VAPB: variants seen among roughly 807,000 people sequenced by gnomAD.
The protein encoded by VAPB is VAMP associated protein B and C.
In VAPB, 7 loss-of-function variants were observed where a neutral mutation model predicts 25.6. That is an observed-to-expected ratio of 0.27 (90% CI 0.16 to 0.51). The LOEUF is 0.51. Ranked by LOEUF, VAPB falls within the 20% of genes least tolerant of loss-of-function variation. The pLI is 0.97. For synonymous variants in VAPB, 112 were observed against 109.2 expected (o/e 1.03, Z -0.16); for missense variants, 266 against 301.3 (o/e 0.88, Z 0.87).
At chr20:58,434,094 A>T (rs963457534) in intron 2 of VAPB, among the ~76,000 whole-genome samples, 1 of 152,132 alleles carries the variant, frequency 6.6e-6, no homozygotes, top group Admixed American at 6.5e-5. Flanking sequence ...TGATTGTAAA[A>T]ATTTTCTAGC....
chr20:58,441,308 C>G (rs936281383), intron 5 of VAPB, among the ~76,000 whole-genome samples: 7 of 151,628 alleles, frequency 4.6e-5, no homozygotes, highest in Admixed American at 4.6e-4. Context: ...AGAAATTTCT[C>G]AACTGTTGAA....
chr20:58,430,913 C>G (rs1988913673), intron 2 of VAPB: 1 of 152,176 alleles, frequency 6.6e-6, no homozygotes, highest in Non-Finnish European at 1.5e-5. Flanking sequence ...AGAAGACAGG[C>G]TGGATGCTCA....
intron 1 of VAPB, among the ~76,000 whole-genome samples, chr20:58,408,903 A>AGG (rs1568703113): frequency 1.0e-5 from 1 of 95,482 alleles, no homozygotes; most frequent in African/African-American, 4.1e-5. Flanking sequence ...CCCCCCCCCC[A>AGG]CCCCGCCCCC....
chr20:58,423,391 A>T (rs1000351743), intron 2 of VAPB, among the ~76,000 whole-genome samples: 6 of 133,908 alleles, frequency 4.5e-5, no homozygotes, highest in Admixed American at 3.1e-4. Flanking sequence ...CAGCCTGGGC[A>T]ACAAGAGAGA....
At chr20:58,413,956 CT>C (rs1393517745) in intron 1 of VAPB, among the ~76,000 whole-genome samples, 5 of 44,610 alleles carry the variant, frequency 1.1e-4, no homozygotes, top group East Asian at 6.5e-4. Flanking sequence ...GGGGGCTGAC[CT>C]CCCCACCTCC....
At chr20:58,423,621 C>G (rs985519221) in intron 2 of VAPB, among the ~76,000 whole-genome samples, 61 of 152,208 alleles carry the variant, frequency 4.0e-4, no homozygotes, top group African/African-American at 1.4e-3. Flanking sequence ...GTGCACCTTT[C>G]AGGTGCACTA....
intron 1 of VAPB, among the ~76,000 whole-genome samples, chr20:58,412,778 A>G (rs1412060904): frequency 1.3e-5 from 2 of 152,172 alleles, no homozygotes; most frequent in African/African-American, 4.8e-5. Flanking sequence ...TTGTAAAGAT[A>G]GTATTTACAT....
chr20:58,428,929 A>G (rs1415817415), intron 2 of VAPB, among the ~76,000 whole-genome samples: 2 of 152,190 alleles, frequency 1.3e-5, no homozygotes, highest in African/African-American at 4.8e-5. Context: ...GGGTGTCCCA[A>G]GTCCTCACTG....
At position 58,447,524 on chromosome 20, in the gene VAPB, C is replaced by T. The variant is rs1301662064; in HGVS notation, c.*3289C>T. ...AAAACCTAAACGCTTTCAAACAAAT[C>T]CCAGGAACAGAATTGCTATCGAAAG... is the stretch of plus-strand genomic sequence containing the variant. On this transcript the variant is annotated 3_prime_UTR_variant, in exon 6 of 6. Transcript: ENST00000475243. 1 of 453,942 alleles carries T rather than the reference C, an allele frequency of 2.2e-6. No homozygotes were observed. Among genetic ancestry groups the T allele is most frequent in the Non-Finnish European group, 4.4e-6 (1 of 226,784 alleles). The allele number at this position is 453,942 out of a possible 1,614,324, so 28.1% of individuals were successfully genotyped here.
At chr20:58,399,713 C>CA (rs11315321) in intron 1 of VAPB, among the ~76,000 whole-genome samples, 11,225 of 128,214 alleles carry the variant, frequency 0.088, 633 homozygotes, top group East Asian at 0.28. Flanking sequence ...GAGACCGTCT[C>CA]AAAAAAAAAA....
In VAPB at chr20:58,445,720, G is replaced by GTGTA; in HGVS notation, c.*1486_*1487insGTAT. On this transcript the variant is annotated 3_prime_UTR_variant, in exon 6 of 6. Transcript: ENST00000475243. ...TGTGTGTGTGTGTGTGTGTGTGTGT[G>GTGTA]TATTTTTTTTTTGGTTGTCTTCAGC... is the stretch of plus-strand genomic sequence containing the variant. The GTGTA allele has an allele frequency of 2.3e-6, 1 of 431,228 alleles. No individual in the cohort carries two copies. The highest frequency in any genetic ancestry group is 4.5e-6 in the Non-Finnish European group (1 of 219,820). The allele number at this position is 431,228 out of a possible 1,614,324, so 26.7% of individuals were successfully genotyped here.
At chr20:58,432,215 GT>G (rs1372446525) in intron 2 of VAPB, 1 of 152,224 alleles carries the variant, frequency 6.6e-6, no homozygotes, top group Non-Finnish European at 1.5e-5. Flanking sequence ...TTTTTTGGGG[GT>G]GTGTTCTGTT....
intron 1 of VAPB, chr20:58,390,176 A>ATTGGG (rs889317037): frequency 6.6e-6 from 1 of 152,018 alleles, no homozygotes; most frequent in Non-Finnish European, 1.5e-5. Context: ...TTCTGATGGG[A>ATTGGG]TTGGGCCCAT....
In VAPB at chr20:58,447,116, C is replaced by T. The variant is rs1335133013; in HGVS notation, c.*2881C>T. On this transcript the variant is annotated 3_prime_UTR_variant, in exon 6 of 6. Coordinates refer to ENST00000475243, the MANE Select transcript of VAPB (RefSeq NM_004738.5). ...CCTGTGGTTACTGGCTCCACAGCAC[C>T]TCAGAGAGGGCGGCCCTGGCTTCAG... 2.2e-6 allele frequency: 1 copy of T among 453,994 alleles called. No homozygotes were observed. Among genetic ancestry groups the T allele is most frequent in the African/African-American group, 2.0e-5 (1 of 49,994 alleles). 28.1% of individuals were successfully genotyped at this position (453,994 alleles called of 1,614,324 possible).
intron 1 of VAPB, among the ~76,000 whole-genome samples, chr20:58,393,828 G>A (rs1449980323): frequency 6.6e-6 from 1 of 152,136 alleles, no homozygotes; most frequent in African/African-American, 2.4e-5. Context: ...CGCCTCCCGG[G>A]TTCAAGCACT....
At position 58,449,190 on chromosome 20, in the gene VAPB, T is replaced by G. The variant is rs1989373349; in HGVS notation, c.*4955T>G. 6.6e-6 allele frequency: 3 copies of G among 453,974 alleles called. No individual in the cohort carries two copies. The highest frequency in any genetic ancestry group is 6.0e-5 in the African/African-American group (3 of 49,998). 28.1% of individuals were successfully genotyped at this position (453,974 alleles called of 1,614,324 possible). ...TCTTCCTCCAGCCTCTGAATCCCATTAGCCACAGCCTAGAACATTAGCTGA... is the reference window on the plus strand; with the variant it reads ...TCTTCCTCCAGCCTCTGAATCCCATGAGCCACAGCCTAGAACATTAGCTGA... On this transcript the variant is annotated 3_prime_UTR_variant, in exon 6 of 6. Transcript: ENST00000475243.
At chr20:58,440,784 C>A in intron 4 of VAPB, 123 bp from the exon 5 acceptor site, 1 of 851,478 alleles carries the variant, frequency 1.2e-6, no homozygotes, top group Non-Finnish European at 1.9e-6. Context: ...ATAAATGTGA[C>A]ATTTTACAGT....
rs1413118334 is a variant in VAPB, at chr20:58,445,385, G to A, written c.*1150G>A. 4.4e-6 allele frequency: 2 copies of A among 454,512 alleles called. No homozygotes were observed. Among genetic ancestry groups the A allele is most frequent in the African/African-American group, 4.0e-5 (2 of 49,994 alleles). The allele number at this position is 454,512 out of a possible 1,614,324, so 28.2% of individuals were successfully genotyped here. On this transcript the variant is annotated 3_prime_UTR_variant, in exon 6 of 6. Transcript: ENST00000475243. ...AGGGTTAGAAGCGAGGGCACCAGCA[G>A]TTGTGGGTGGGGAGCAAGGGAAGAG... is the stretch of plus-strand genomic sequence containing the variant.
Position 58,448,492 on chromosome 20 carries a change from T to A in VAPB, c.*4257T>A, listed in dbSNP as rs1358662082. ...GTGACTGGGGGGTAGATGGCTCTGT[T>A]TGCATACGAAGAAATAAAGGCTCCA... On this transcript the variant is annotated 3_prime_UTR_variant, in exon 6 of 6. Coordinates refer to ENST00000475243, the MANE Select transcript of VAPB (RefSeq NM_004738.5). 1 of 454,088 alleles carries A rather than the reference T, an allele frequency of 2.2e-6. No individual in the cohort carries two copies. Among genetic ancestry groups the A allele is most frequent in the East Asian group, 6.9e-5 (1 of 14,392 alleles). The allele number at this position is 454,088 out of a possible 1,614,324, so 28.1% of individuals were successfully genotyped here. A position where few individuals can be genotyped will look rare whatever the true frequency, so the allele number is the denominator to read the frequency against.
Sources: gnomAD v4.1 joint callset for allele counts (sites outside exome capture counted in the v4.1 genomes callset) on GRCh38, gnomAD v4.1.1 for gene constraint, MANE v1.5 for transcripts, NCBI Gene and HGNC (gene_info 2026-07-23, HGNC 2026-07-21) for gene names.